YPEL2: variants seen among roughly 807,000 people sequenced by gnomAD.
YPEL2 encodes protein yippee-like 2.
YPEL2 carries 2 observed loss-of-function variants against 19.1 expected under a neutral mutation model. The observed-to-expected ratio is 0.10, with a 90% CI of 0.04 to 0.33. The LOEUF (loss-of-function observed/expected upper bound fraction) is 0.33, where lower values mean the gene tolerates loss of function less well. Ranked by LOEUF, YPEL2 falls within the 10% of genes least tolerant of loss-of-function variation. The pLI, the probability that YPEL2 is intolerant of heterozygous loss-of-function variation, is 1.00. For missense variants in YPEL2, 66 were observed against 140.7 expected, an observed-to-expected ratio of 0.47 and a Z score of 2.68; for synonymous variants, 52 against 50.0, an observed-to-expected ratio of 1.04 and a Z score of -0.17.
chr17:59,374,950 G>C (rs1201906574), intron 2 of YPEL2, among the ~76,000 whole-genome samples: 2 of 152,208 alleles, frequency 1.3e-5, no homozygotes, highest in Non-Finnish European at 2.9e-5. Flanking sequence ...GGAGAGATAA[G>C]AGCTTTAAAT....
At position 59,340,109 on chromosome 17, in the gene YPEL2, CT is replaced by C. The variant is rs746748126; in HGVS notation, c.-196+8300del. Among the ~76,000 whole-genome samples, 455 of 141,124 alleles carry C rather than the reference CT, an allele frequency of 3.2e-3. 1 individual carries two copies. Among genetic ancestry groups the C allele is most frequent in the Middle Eastern group, 7.4e-3 (2 of 270 alleles). The allele number at this position is 141,124 out of a possible 152,430, so 92.6% of individuals were successfully genotyped here. A position where few individuals can be genotyped will look rare whatever the true frequency, so the allele number is the denominator to read the frequency against. ...CTGAGAAACAACTAATTTTGTGGAA[CT>C]TTTTTTTTTTTTTTGAGATGGAGTT... On this transcript the variant is annotated intron_variant, in intron 1 of 4. Coordinates refer to ENST00000312655, the MANE Select transcript of YPEL2 (RefSeq NM_001005404.4).
In YPEL2 at chr17:59,373,395, A is replaced by G. The variant is rs187407342; in HGVS notation, c.118-14932A>G. On this transcript the variant is annotated intron_variant, in intron 2 of 4. Transcript: ENST00000312655. Reference sequence around the variant, plus strand: ...GCCTCTTTGACCTTACTTCCTCTTCATGAAAGCCCTCTGCTGTGATCAGCC... The same window carrying G: ...GCCTCTTTGACCTTACTTCCTCTTCGTGAAAGCCCTCTGCTGTGATCAGCC... 4.0e-3 allele frequency among the ~76,000 whole-genome samples: 609 copies of G among 152,222 alleles called. 3 individuals are homozygous for G. Among genetic ancestry groups the G allele is most frequent in the African/African-American group, 0.014 (565 of 41,540 alleles).
intron 1 of YPEL2, among the ~76,000 whole-genome samples, chr17:59,336,759 T>A (rs570155579): frequency 6.6e-6 from 1 of 152,204 alleles, no homozygotes; most frequent in South Asian, 2.1e-4. Context: ...GAGTGGACAG[T>A]GTGTGGTGGG....
At chr17:59,347,186 T>C (rs963338189) in intron 1 of YPEL2, among the ~76,000 whole-genome samples, 5 of 152,246 alleles carry the variant, frequency 3.3e-5, no homozygotes, top group East Asian at 3.8e-4. Flanking sequence ...TAGATATTAT[T>C]GTCTCTATTT....
chr17:59,367,025 G>T (rs1166988368), intron 2 of YPEL2, among the ~76,000 whole-genome samples: 4 of 152,220 alleles, frequency 2.6e-5, no homozygotes, highest in Non-Finnish European at 5.9e-5. Context: ...GATAAGGTCT[G>T]ACAAATCTAG....
At chr17:59,387,257 TAAAAAA>T (rs373789547) in intron 2 of YPEL2, among the ~76,000 whole-genome samples, 3 of 77,588 alleles carry the variant, frequency 3.9e-5, no homozygotes, top group South Asian at 4.6e-4. Context: ...AGACTCCATC[TAAAAAA>T]AAAAAAAAAA....
chr17:59,341,667 A>C (rs575670998), intron 1 of YPEL2, among the ~76,000 whole-genome samples: 1 of 152,184 alleles, frequency 6.6e-6, no homozygotes, highest in Non-Finnish European at 1.5e-5. Flanking sequence ...TCAGGAAAAA[A>C]AAAAGTTATA....
intron 2 of YPEL2, among the ~76,000 whole-genome samples, chr17:59,371,346 G>A (rs1049330078): frequency 2.7e-4 from 41 of 152,230 alleles, no homozygotes; most frequent in African/African-American, 9.6e-4. Flanking sequence ...GGATGGGGCA[G>A]GCCCTGGGTG....
Position 59,339,210 on chromosome 17 carries a change from A to G in YPEL2, c.-196+7386A>G, listed in dbSNP as rs553210512. ...TTGACCCATTGCCAAATGAACCATA[A>G]GAGAGAAATGAATTAACTTTCAGGA... On this transcript the variant is annotated intron_variant, in intron 1 of 4. Transcript: ENST00000312655. Among the ~76,000 whole-genome samples, 142 of 151,874 alleles carry G rather than the reference A, an allele frequency of 9.3e-4. 1 individual carries two copies. The highest frequency in any genetic ancestry group is 6.8e-3 in the Middle Eastern group (2 of 294).
chr17:59,345,570 T>C (rs2047751829), intron 1 of YPEL2, among the ~76,000 whole-genome samples: 1 of 152,018 alleles, frequency 6.6e-6, no homozygotes, highest in Non-Finnish European at 1.5e-5. Context: ...GAGTGGTCTG[T>C]GTTAGGAATG....
intron 4 of YPEL2, among the ~76,000 whole-genome samples, chr17:59,394,111 C>T (rs775378250): frequency 2.8e-4 from 42 of 149,274 alleles, no homozygotes; most frequent in Non-Finnish European, 4.3e-4. Context: ...AGCCCCTCAC[C>T]TCCCGGACGC....
chr17:59,339,649 TCA>T (rs1166499544), intron 1 of YPEL2, among the ~76,000 whole-genome samples: 1 of 152,184 alleles, frequency 6.6e-6, no homozygotes, highest in African/African-American at 2.4e-5. Flanking sequence ...ATACACTTCC[TCA>T]GACTCTTCTC....
chr17:59,365,214 G>T (rs576394308), intron 2 of YPEL2, among the ~76,000 whole-genome samples: 3 of 152,182 alleles, frequency 2.0e-5, no homozygotes, highest in Non-Finnish European at 2.9e-5. Flanking sequence ...AGTTGCCCTT[G>T]AGCCCTACAG....
intron 1 of YPEL2, among the ~76,000 whole-genome samples, chr17:59,340,617 G>A (rs1156896546): frequency 6.6e-6 from 1 of 150,598 alleles, no homozygotes; most frequent in African/African-American, 2.4e-5. Context: ...GGGTTTCACC[G>A]TGTTAGCCAG....
rs1476299246 is a variant in YPEL2 at position 59,400,473 on chromosome 17, A to G, written c.*3283A>G. On this transcript the variant is annotated 3_prime_UTR_variant, in exon 5 of 5. Coordinates refer to ENST00000312655, the MANE Select transcript of YPEL2 (RefSeq NM_001005404.4). ...ATTTTAAGGGAAACAGTGATCACCA[A>G]TACATGTTTTCAGTTTTTTTTTTTT... The G allele has an allele frequency of 1.4e-5, 2 of 138,822 alleles. No homozygotes were observed. The highest frequency in any genetic ancestry group is 5.7e-5 in the African/African-American group (2 of 35,108). 8.6% of individuals were successfully genotyped at this position (138,822 alleles called of 1,614,324 possible). A position where few individuals can be genotyped will look rare whatever the true frequency, so the allele number is the denominator to read the frequency against.
rs531556730 is a variant in YPEL2, at chr17:59,370,658, A to G, written c.117+17132A>G. 2.0e-4 allele frequency among the ~76,000 whole-genome samples: 31 copies of G among 152,148 alleles called. No homozygotes were observed. In the East Asian group the frequency reaches 5.2e-3, roughly 26 times the overall value. On this transcript the variant is annotated intron_variant, in intron 2 of 4. Transcript: ENST00000312655. ...TAACCCCCTGTTCCTGGCGTCTTAC[A>G]CTGGGACCAAACATGGCACCCCAGA...
intron 2 of YPEL2, among the ~76,000 whole-genome samples, chr17:59,368,571 G>C (rs2047881894): frequency 6.6e-6 from 1 of 152,208 alleles, no homozygotes; most frequent in South Asian, 2.1e-4. Flanking sequence ...ACAAGAAGAC[G>C]AAGACAAGAG....
At position 59,393,479 on chromosome 17, in the gene YPEL2, TTTTTA is replaced by T. The variant is rs769071830; in HGVS notation, c.271-3607_271-3603del. Among the ~76,000 whole-genome samples the T allele has an allele frequency of 1.1e-4, 17 of 150,302 alleles. No individual in the cohort carries two copies. In the East Asian group the frequency reaches 1.2e-3, roughly 10 times the overall value. Reference sequence around the variant, plus strand: ...AGGAAACTCATTTTCTTTTTTTTTATTTTTATTTTATTTTATTTTTTATTTTTTTA... The same window carrying T: ...AGGAAACTCATTTTCTTTTTTTTTATTTTTATTTTATTTTTTATTTTTTTA... On this transcript the variant is annotated intron_variant, in intron 4 of 4. Transcript: ENST00000312655.
chr17:59,382,064 T>C (rs1397803518), intron 2 of YPEL2, among the ~76,000 whole-genome samples: 1 of 152,246 alleles, frequency 6.6e-6, no homozygotes, highest in Non-Finnish European at 1.5e-5. Context: ...ATGGCTGTTT[T>C]TCTCATCATA....
Sources: gnomAD v4.1 joint callset for allele counts (sites outside exome capture counted in the v4.1 genomes callset) on GRCh38, gnomAD v4.1.1 for gene constraint, MANE v1.5 for transcripts, NCBI Gene and HGNC (gene_info 2026-07-23, HGNC 2026-07-21) for gene names.